The following BCAT1 variants were observed in gnomAD, a reference collection of about 807,000 sequenced individuals.
BCAT1 encodes the protein branched-chain-amino-acid aminotransferase, cytosolic.
Under a neutral mutation model 52.4 loss-of-function variants are expected in BCAT1, and 48 were observed. The observed-to-expected ratio is 0.92, with a 90% CI of 0.73 to 1.16. The LOEUF is 1.16. BCAT1 is among the 50% of genes most tolerant of loss of function. BCAT1 has a pLI of 0.00. For synonymous variants in BCAT1, 167 were observed against 161.3 expected (o/e 1.04, Z -0.27); for missense variants, 451 against 457.1 (o/e 0.99, Z 0.12).
intron 1 of BCAT1, among the ~76,000 whole-genome samples, chr12:24,941,978 G>C (rs1293797037): frequency 6.6e-6 from 1 of 152,186 alleles, no homozygotes; most frequent in African/African-American, 2.4e-5. Context: ...GCACATAGAA[G>C]AGGTGTAGGT....
Position 24,815,778 on chromosome 12 carries a change from T to TATCATTTTGTG in BCAT1, c.*2229_*2230insCACAAAATGAT, listed in dbSNP as rs1392117858. 2.0e-5 allele frequency: 3 copies of TATCATTTTGTG among 152,212 alleles called. No homozygotes were observed. The highest frequency in any genetic ancestry group is 4.8e-5 in the African/African-American group (2 of 41,452). The allele number at this position is 152,212 out of a possible 1,614,324, so 9.4% of individuals were successfully genotyped here. A position where few individuals can be genotyped will look rare whatever the true frequency, so the allele number is the denominator to read the frequency against. On this transcript the variant is annotated 3_prime_UTR_variant, in exon 11 of 11. Transcript: ENST00000261192. ...TTTTATGAAAGAAATGATACAAACATAATGTTCTCTAACTTTCACAATGGA... is the reference window on the plus strand; with the variant it reads ...TTTTATGAAAGAAATGATACAAACATATCATTTTGTGAATGTTCTCTAACTTTCACAATGGA...
intron 1 of BCAT1, among the ~76,000 whole-genome samples, chr12:24,925,952 C>T (rs939728744): frequency 2.6e-5 from 4 of 152,228 alleles, no homozygotes; most frequent in Non-Finnish European, 5.9e-5. Flanking sequence ...ACCTCCACCT[C>T]CCAGCCGCCT....
intron 1 of BCAT1, among the ~76,000 whole-genome samples, chr12:24,922,226 G>A (rs1193066250): frequency 2.6e-5 from 4 of 152,140 alleles, no homozygotes; most frequent in South Asian, 4.1e-4. Flanking sequence ...ATTGATAGAC[G>A]TGATCATAGC....
chr12:24,889,762 G>C (rs1031377084), intron 3 of BCAT1, among the ~76,000 whole-genome samples: 7 of 152,132 alleles, frequency 4.6e-5, no homozygotes, highest in Admixed American at 1.3e-4. Flanking sequence ...GGCAGAGGCG[G>C]GAGGCTTACT....
intron 10 of BCAT1, among the ~76,000 whole-genome samples, chr12:24,823,521 T>C (rs1037715227): frequency 6.6e-6 from 1 of 152,214 alleles, no homozygotes; most frequent in Admixed American, 6.5e-5. Context: ...TGGTTTGAAT[T>C]TGTGTCCCCA....
chr12:24,932,825 G>C (rs1333351556), intron 1 of BCAT1, among the ~76,000 whole-genome samples: 1 of 150,412 alleles, frequency 6.6e-6, no homozygotes. Context: ...TTTTTGTTTT[G>C]TTTTGAGATG....
chr12:24,923,383 G>A (rs1943530427), intron 1 of BCAT1, among the ~76,000 whole-genome samples: 1 of 152,130 alleles, frequency 6.6e-6, no homozygotes, highest in Admixed American at 6.5e-5. Flanking sequence ...CTGTCACTGA[G>A]CAAGGGACAT....
chr12:24,835,535 AC>A (rs1471190463), intron 8 of BCAT1, among the ~76,000 whole-genome samples: 1 of 150,454 alleles, frequency 6.6e-6, no homozygotes, highest in Non-Finnish European at 1.5e-5. Context: ...CCAAAACCAA[AC>A]CTTTTTAAAT....
chr12:24,921,083 A>G (rs906239113), intron 1 of BCAT1, among the ~76,000 whole-genome samples: 1 of 152,010 alleles, frequency 6.6e-6, no homozygotes, highest in Non-Finnish European at 1.5e-5. Context: ...GCTCACGGGA[A>G]GGTAAAAAAC....
intron 3 of BCAT1, among the ~76,000 whole-genome samples, chr12:24,881,669 CT>C (rs1163799220): frequency 6.6e-6 from 1 of 152,178 alleles, no homozygotes; most frequent in Non-Finnish European, 1.5e-5. Context: ...AGGAGCCACA[CT>C]GCTGAATAAC....
intron 1 of BCAT1, chr12:24,904,273 T>C (rs1005349528): frequency 1.3e-5 from 2 of 152,318 alleles, no homozygotes; most frequent in African/African-American, 4.8e-5. Context: ...CGCGATCTCG[T>C]CTAATTGCAA....
chr12:24,903,147 G>C, intron 1 of BCAT1: 1 of 1,296,350 alleles, frequency 7.7e-7, no homozygotes, highest in Non-Finnish European at 9.8e-7. Context: ...CGCAGGGTAC[G>C]ACGCAACCCC....
At chr12:24,936,577 T>C (rs956182721) in intron 1 of BCAT1, among the ~76,000 whole-genome samples, 21 of 152,144 alleles carry the variant, frequency 1.4e-4, no homozygotes, top group African/African-American at 4.8e-4. Flanking sequence ...CAAATCAAGG[T>C]GTCAGCAGAG....
intron 1 of BCAT1, among the ~76,000 whole-genome samples, chr12:24,907,474 TG>T (rs748641369): frequency 6.6e-6 from 1 of 152,230 alleles, no homozygotes; most frequent in Non-Finnish European, 1.5e-5. Flanking sequence ...CTGAAGCAAC[TG>T]AAGATCAACA....
At chr12:24,840,781 G>A (rs1020098481) in intron 7 of BCAT1, among the ~76,000 whole-genome samples, 2 of 152,134 alleles carry the variant, frequency 1.3e-5, no homozygotes, top group Non-Finnish European at 2.9e-5. Context: ...GGCTACTGTA[G>A]CTACTTTCAA....
Position 24,842,228 on chromosome 12 carries a change from TAAGA to T in BCAT1, c.675-8_675-5del. 6.2e-7 allele frequency: 1 copy of T among 1,612,874 alleles called. No individual in the cohort carries two copies. The highest frequency in any genetic ancestry group is 8.5e-7 in the Non-Finnish European group (1 of 1,179,066). On this transcript the variant is annotated splice_polypyrimidine_tract_variant and splice_region_variant and intron_variant, in intron 6 of 10. Transcript: ENST00000261192. Reference sequence around the variant, plus strand: ...AAAAAGAGATGAGCCGTAATTCCTTTAAGAAAGAGAAAATACACAGGTTACAAAC... The same window carrying T: ...AAAAAGAGATGAGCCGTAATTCCTTTAAGAGAAAATACACAGGTTACAAAC...
At chr12:24,838,522 C>T (rs1694322055) in intron 7 of BCAT1, among the ~76,000 whole-genome samples, 1 of 151,940 alleles carries the variant, frequency 6.6e-6, no homozygotes, top group African/African-American at 2.4e-5. Flanking sequence ...TGTACACACA[C>T]ACACACACTT....
chr12:24,834,173 G>GAAATACTCATTATTTTT (rs1363859621), intron 8 of BCAT1: 1 of 979,056 alleles, frequency 1.0e-6, no homozygotes, highest in Non-Finnish European at 1.2e-6. Flanking sequence ...TCAAATATCT[G>GAAATACTCATTATTTTT]AAATACTCAT....
rs1939710734 is a variant in BCAT1, at chr12:24,812,208, A to G, written c.*5800T>C. 1 of 152,104 alleles carries G rather than the reference A, an allele frequency of 6.6e-6. No individual in the cohort carries two copies. Among genetic ancestry groups the G allele is most frequent in the African/African-American group, 2.4e-5 (1 of 41,452 alleles). The allele number at this position is 152,104 out of a possible 1,614,324, so 9.4% of individuals were successfully genotyped here. A position where few individuals can be genotyped will look rare whatever the true frequency, so the allele number is the denominator to read the frequency against. On this transcript the variant is annotated 3_prime_UTR_variant, in exon 11 of 11. Transcript: ENST00000261192. ...TGATCATAGGAAACTAGTTTGAGGAAACTGCAATGTGTTATTGCACATTTT... is the reference window on the plus strand; with the variant it reads ...TGATCATAGGAAACTAGTTTGAGGAGACTGCAATGTGTTATTGCACATTTT...
Sources: gnomAD v4.1 joint callset for allele counts (sites outside exome capture counted in the v4.1 genomes callset) on GRCh38, gnomAD v4.1.1 for gene constraint, MANE v1.5 for transcripts, NCBI Gene and HGNC (gene_info 2026-07-23, HGNC 2026-07-21) for gene names.